The following PRKN variants were observed in gnomAD, a reference collection of about 807,000 sequenced individuals.
PRKN encodes the protein parkin RBR E3 ubiquitin protein ligase.
PRKN carries 56 observed loss-of-function variants against 59.5 expected under a neutral mutation model. That is an observed-to-expected ratio of 0.94 (90% CI 0.76 to 1.18). The LOEUF is 1.18. Ranked by LOEUF, PRKN falls within the 50% of genes most tolerant of loss-of-function variation. The probability of loss-of-function intolerance (pLI) is 0.00; values close to 1 mark genes in which losing one functional copy is unlikely to be tolerated. For synonymous variants in PRKN, 250 were observed against 222.1 expected, an observed-to-expected ratio of 1.13 and a Z score of -1.12; for missense variants, 657 against 596.4, an observed-to-expected ratio of 1.10 and a Z score of -1.06.
chr6:162,215,516 T>C (rs1233556122), intron 3 of PRKN, among the ~76,000 whole-genome samples: 1 of 152,204 alleles, frequency 6.6e-6, no homozygotes, highest in African/African-American at 2.4e-5. Flanking sequence ...TATCTGGTGA[T>C]ACTAAATGAA....
chr6:161,795,978 T>C (rs1790830845), intron 6 of PRKN, among the ~76,000 whole-genome samples: 1 of 152,148 alleles, frequency 6.6e-6, no homozygotes, highest in Admixed American at 6.6e-5. Context: ...AAAAATTATA[T>C]TAAAATATAA....
intron 9 of PRKN, among the ~76,000 whole-genome samples, chr6:161,464,335 T>C (rs1790346957): frequency 6.6e-6 from 1 of 152,184 alleles, no homozygotes; most frequent in South Asian, 2.1e-4. Context: ...AAGCCAGGGA[T>C]TGGATTGGGA....
At chr6:162,577,012 A>C (rs1473583871) in intron 1 of PRKN, among the ~76,000 whole-genome samples, 1 of 152,082 alleles carries the variant, frequency 6.6e-6, no homozygotes, top group Non-Finnish European at 1.5e-5. Flanking sequence ...GATAAAACAT[A>C]AAAAATGATG....
rs146045078 is a variant in PRKN, at chr6:162,652,383, A to C, written c.7+75279T>G. Among the ~76,000 whole-genome samples the C allele has an allele frequency of 2.0e-5, 3 of 152,174 alleles. No homozygotes were observed. The South Asian group carries it at 6.2e-4, about 31-fold the overall frequency. On this transcript the variant is annotated intron_variant, in intron 1 of 11. Transcript: ENST00000366898. ...CTGTGCCTCATTAACAGGTTGTGTC[A>C]CAAGTGTTGTATCAGTTAACAATTG...
chr6:162,068,276 GTACAT>G (rs1389047630), intron 4 of PRKN, among the ~76,000 whole-genome samples: 1 of 152,048 alleles, frequency 6.6e-6, no homozygotes, highest in Non-Finnish European at 1.5e-5. Context: ...GTTTTTCCAG[GTACAT>G]TACTTCATTT....
intron 1 of PRKN, among the ~76,000 whole-genome samples, chr6:162,488,469 G>A (rs1440721203): frequency 2.0e-5 from 3 of 152,064 alleles, no homozygotes; most frequent in African/African-American, 4.8e-5. Flanking sequence ...CAGCTGCAGC[G>A]CCATACCTCA....
rs901285887 is a variant in PRKN, at chr6:161,379,951, G to T, written c.1167+6843C>A. On this transcript the variant is annotated intron_variant, in intron 10 of 11. Transcript: ENST00000366898. This position sits in a 1 kb window ranked among gnomAD's most constrained non-coding sequence, Gnocchi z 4.9. ...GATCTTTCGAAAGCACCCATCTGAT[G>T]ACGTCAATCTTTAAAAAATCTCCAG... 2.0e-5 allele frequency among the ~76,000 whole-genome samples: 3 copies of T among 152,176 alleles called. No homozygotes were observed. The highest frequency in any genetic ancestry group is 4.4e-5 in the Non-Finnish European group (3 of 68,040).
At chr6:162,551,007 A>C (rs1779312239) in intron 1 of PRKN, among the ~76,000 whole-genome samples, 1 of 152,212 alleles carries the variant, frequency 6.6e-6, no homozygotes, top group African/African-American at 2.4e-5. Flanking sequence ...ATGACTAAGC[A>C]TAACAGCAAA....
intron 5 of PRKN, among the ~76,000 whole-genome samples, chr6:161,982,174 G>C (rs554817209): frequency 6.2e-4 from 94 of 152,242 alleles, no homozygotes; most frequent in African/African-American, 2.2e-3. Flanking sequence ...AGAGCAAAAG[G>C]GAGATTGTTA....
intron 5 of PRKN, among the ~76,000 whole-genome samples, chr6:161,999,818 AT>A (rs886712481): frequency 3.9e-5 from 6 of 152,134 alleles, no homozygotes; most frequent in African/African-American, 1.4e-4. Flanking sequence ...TGGATGCCAG[AT>A]TTTAGATTCC....
intron 9 of PRKN, among the ~76,000 whole-genome samples, chr6:161,476,105 T>TAGCAA: frequency 6.6e-6 from 1 of 150,832 alleles, no homozygotes; most frequent in Non-Finnish European, 1.5e-5. Flanking sequence ...GAGAATGGTG[T>TAGCAA]GGACCCGGGA....
At chr6:161,381,063 C>T (rs1399156409) in intron 10 of PRKN, among the ~76,000 whole-genome samples, 2 of 152,192 alleles carry the variant, frequency 1.3e-5, no homozygotes, top group Non-Finnish European at 2.9e-5. Flanking sequence ...ATAGGAAAAG[C>T]AGAAGAAAAT....
intron 7 of PRKN, among the ~76,000 whole-genome samples, chr6:161,682,043 G>A (rs1785385251): frequency 6.6e-6 from 1 of 152,232 alleles, no homozygotes; most frequent in Non-Finnish European, 1.5e-5. Flanking sequence ...GAAGAGAGAG[G>A]ACAGGGTAAA....
At chr6:161,764,109 C>G (rs1789323546) in intron 7 of PRKN, among the ~76,000 whole-genome samples, 1 of 152,222 alleles carries the variant, frequency 6.6e-6, no homozygotes, top group South Asian at 2.1e-4. Context: ...TCTCTCCATG[C>G]TACAGACATG....
At chr6:161,717,524 G>A (rs1787035812) in intron 7 of PRKN, among the ~76,000 whole-genome samples, 1 of 152,214 alleles carries the variant, frequency 6.6e-6, no homozygotes, top group Non-Finnish European at 1.5e-5. Context: ...CTACGAGACT[G>A]TGGGGAGCAG....
intron 1 of PRKN, among the ~76,000 whole-genome samples, chr6:162,606,497 A>G (rs1168308031): frequency 6.6e-6 from 1 of 152,214 alleles, no homozygotes; most frequent in Admixed American, 6.5e-5. Context: ...CTTTCACACC[A>G]TTGAGAGGTC....
chr6:161,630,732 C>T (rs1250700047), intron 7 of PRKN, among the ~76,000 whole-genome samples: 1 of 152,024 alleles, frequency 6.6e-6, no homozygotes, highest in East Asian at 1.9e-4. Flanking sequence ...TTGTCCCCCA[C>T]CATGTCTAGG....
At chr6:161,766,084 T>C (rs1789410883) in intron 7 of PRKN, among the ~76,000 whole-genome samples, 1 of 152,178 alleles carries the variant, frequency 6.6e-6, no homozygotes, top group African/African-American at 2.4e-5. Context: ...AATTTGGTCT[T>C]TGTCATTTTG....
intron 6 of PRKN, among the ~76,000 whole-genome samples, chr6:161,806,517 G>T (rs3016547): frequency 6.6e-6 from 1 of 151,998 alleles, no homozygotes; most frequent in Non-Finnish European, 1.5e-5. Context: ...ACAAGAGAGA[G>T]TTCAGACCCT....
Sources: gnomAD v4.1 joint callset for allele counts (sites outside exome capture counted in the v4.1 genomes callset) on GRCh38, gnomAD v4.1.1 for gene constraint, Gnocchi (gnomAD v3.1) non-coding constraint, MANE v1.5 for transcripts, NCBI Gene and HGNC (gene_info 2026-07-23, HGNC 2026-07-21) for gene names.